The following ASPH variants were observed in gnomAD, a reference collection of about 807,000 sequenced individuals.
ASPH encodes the protein aspartate beta-hydroxylase.
Under a neutral mutation model 118.4 loss-of-function variants are expected in ASPH, and 100 were observed. That is an observed-to-expected ratio of 0.84 (90% CI 0.72 to 1.00). The LOEUF (loss-of-function observed/expected upper bound fraction) is 1.00, where lower values mean the gene tolerates loss of function less well. Ranked by LOEUF, ASPH falls within the 50% of genes least tolerant of loss-of-function variation. The pLI, the probability that ASPH is intolerant of heterozygous loss-of-function variation, is 0.00. For missense variants in ASPH, 920 were observed against 919.5 expected (o/e 1.00, Z -0.01); for synonymous variants, 315 against 325.6 (o/e 0.97, Z 0.35).
intron 12 of ASPH, among the ~76,000 whole-genome samples, chr8:61,636,434 T>C (rs552105657): frequency 6.6e-6 from 1 of 152,276 alleles, no homozygotes; most frequent in South Asian, 2.1e-4. Context: ...TCCAAGTATA[T>C]ATTGATACAA....
At chr8:61,683,900 T>A in intron 2 of ASPH, 139 bp downstream of exon 2, 1 of 1,002,452 alleles carries the variant, frequency 1.0e-6, no homozygotes, top group South Asian at 1.8e-5. Context: ...TCATATCCCC[T>A]TTCAGCCTCA....
At chr8:61,636,053 C>A (rs144799039) in intron 12 of ASPH, among the ~76,000 whole-genome samples, 2 of 152,150 alleles carry the variant, frequency 1.3e-5, no homozygotes, top group African/African-American at 4.8e-5. Context: ...ATTGCTTAAG[C>A]CAGTTTGAGT....
chr8:61,627,093 C>T (rs1853236797), intron 13 of ASPH, among the ~76,000 whole-genome samples: 1 of 152,118 alleles, frequency 6.6e-6, no homozygotes, highest in Admixed American at 6.5e-5. Context: ...AACAACTAGA[C>T]ATTCTATATA....
chr8:61,663,718 T>A, intron 3 of ASPH: 1 of 973,588 alleles, frequency 1.0e-6, no homozygotes, highest in Non-Finnish European at 1.2e-6. Context: ...AGGCCTTAAT[T>A]TTTAAGCAAT....
chr8:61,651,967 G>A (rs1337159938), intron 4 of ASPH, among the ~76,000 whole-genome samples: 1 of 152,180 alleles, frequency 6.6e-6, no homozygotes, highest in East Asian at 1.9e-4. Flanking sequence ...GACATCGGTT[G>A]TTGTCAAAGA....
chr8:61,533,104 CTT>C (rs71559337), intron 21 of ASPH, among the ~76,000 whole-genome samples: 20 of 141,748 alleles, frequency 1.4e-4, no homozygotes, highest in African/African-American at 1.0e-4. Flanking sequence ...ATTTCTTCTT[CTT>C]TTTTTTTTTT....
chr8:61,703,552 GT>G (rs1351427014), intron 1 of ASPH, among the ~76,000 whole-genome samples: 2 of 151,950 alleles, frequency 1.3e-5, no homozygotes, highest in African/African-American at 4.8e-5. Flanking sequence ...TTAGAAAAAT[GT>G]TTAACAGAAA....
rs118040716 is a variant in ASPH, at chr8:61,700,039, C to T, written c.103+14230G>A. Among the ~76,000 whole-genome samples the T allele has an allele frequency of 6.4e-3, 980 of 152,332 alleles. 33 individuals are homozygous for T. The highest frequency in any genetic ancestry group is 0.051 in the Admixed American group (781 of 15,302). On this transcript the variant is annotated intron_variant, in intron 1 of 24. Coordinates refer to ENST00000379454, the MANE Select transcript of ASPH (RefSeq NM_004318.4). ...AGCGTTTGTACCATTTTGCCAGCAC[C>T]TCACTCAAAAGGGCTGACTGACACA...
At chr8:61,627,495 C>T (rs1330235888) in intron 13 of ASPH, among the ~76,000 whole-genome samples, 3 of 152,116 alleles carry the variant, frequency 2.0e-5, no homozygotes, top group South Asian at 2.1e-4. Flanking sequence ...TTATCTTGAT[C>T]TGAGTAACGG....
chr8:61,665,713 G>A, intron 3 of ASPH: 1 of 1,161,480 alleles, frequency 8.6e-7, no homozygotes, highest in Admixed American at 2.8e-5. Context: ...TCCACACACA[G>A]GAAATGCACA....
chr8:61,697,658 G>A lies in ASPH; in HGVS notation c.104-13470C>T, dbSNP rs142087628. Among the ~76,000 whole-genome samples the A allele has an allele frequency of 7.9e-4, 120 of 152,316 alleles. 1 individual carries two copies. The highest frequency in any genetic ancestry group is 2.8e-3 in the African/African-American group (116 of 41,560). On this transcript the variant is annotated intron_variant, in intron 1 of 24. Coordinates refer to ENST00000379454, the MANE Select transcript of ASPH (RefSeq NM_004318.4). ...AGAACTCAGAGAAACACATTTACTA[G>A]TTGATTATAAAGGATATTACACAGG...
intron 13 of ASPH, among the ~76,000 whole-genome samples, chr8:61,627,724 A>G (rs189051799): frequency 6.6e-6 from 1 of 152,324 alleles, no homozygotes; most frequent in African/African-American, 2.4e-5. Flanking sequence ...AAAGGCAAAT[A>G]AACTAAAAGT....
chr8:61,653,968 C>A (rs192204922), intron 3 of ASPH, among the ~76,000 whole-genome samples: 17 of 152,226 alleles, frequency 1.1e-4, no homozygotes, highest in Non-Finnish European at 2.1e-4. Context: ...GTTCAAGCTC[C>A]TTTTGTTTTC....
chr8:61,558,185 A>G (rs1422893591), intron 18 of ASPH, among the ~76,000 whole-genome samples: 1 of 152,216 alleles, frequency 6.6e-6, no homozygotes, highest in Non-Finnish European at 1.5e-5. Flanking sequence ...GGCACGAAGC[A>G]TGCAGGGGTT....
intron 13 of ASPH, among the ~76,000 whole-genome samples, chr8:61,628,119 T>A (rs940317403): frequency 9.2e-5 from 14 of 151,904 alleles, no homozygotes; most frequent in Admixed American, 2.0e-4. Flanking sequence ...ACTCCTCTGC[T>A]TGGATTTTTT....
chr8:61,557,604 C>T (rs1467005046), intron 18 of ASPH, among the ~76,000 whole-genome samples: 1 of 152,308 alleles, frequency 6.6e-6, no homozygotes, highest in East Asian at 1.9e-4. Flanking sequence ...ACCGTCTGAC[C>T]TAGTATACTT....
chr8:61,505,679 G>A (rs552581957), intron 24 of ASPH, among the ~76,000 whole-genome samples: 8 of 152,090 alleles, frequency 5.3e-5, no homozygotes, highest in Non-Finnish European at 8.8e-5. Context: ...ACACACACAT[G>A]TTGATTGGCT....
chr8:61,676,174 T>C, intron 3 of ASPH: 3 of 1,599,384 alleles, frequency 1.9e-6, no homozygotes, highest in South Asian at 1.1e-5. Context: ...TTTCTTCTTC[T>C]TCTTCTTCTA....
chr8:61,707,039 G>T (rs1836866751), intron 1 of ASPH, among the ~76,000 whole-genome samples: 1 of 152,102 alleles, frequency 6.6e-6, no homozygotes, highest in Non-Finnish European at 1.5e-5. Flanking sequence ...GAAAATACAA[G>T]AATAATTCAT....
Sources: allele counts gnomAD v4.1 joint callset (sites outside exome capture counted in the v4.1 genomes callset), GRCh38; gene constraint gnomAD v4.1.1; transcripts MANE v1.5; gene names NCBI Gene and HGNC (gene_info 2026-07-23, HGNC 2026-07-21).